The following RALY variants were observed in gnomAD, a reference collection of about 807,000 sequenced individuals.
RALY encodes RALY heterogeneous nuclear ribonucleoprotein.
Under a neutral mutation model 30.7 loss-of-function variants are expected in RALY, and 15 were observed. That is an observed-to-expected ratio of 0.49 (90% CI 0.33 to 0.75). RALY has a LOEUF of 0.75. Ranked by LOEUF, RALY falls within the 30% of genes least tolerant of loss-of-function variation. RALY has a pLI of 0.02. For missense variants in RALY, 339 were observed against 414.3 expected, an observed-to-expected ratio of 0.82 and a Z score of 1.58; for synonymous variants, 177 against 170.8, an observed-to-expected ratio of 1.04 and a Z score of -0.28.
At chr20:34,062,154 C>A (rs989679780) in intron 2 of RALY, among the ~76,000 whole-genome samples, 1 of 152,172 alleles carries the variant, frequency 6.6e-6, no homozygotes, top group Non-Finnish European at 1.5e-5. Context: ...GGACTTTATT[C>A]ATCTCTGGTT....
chr20:34,044,650 A>G (rs1002993909), intron 2 of RALY, among the ~76,000 whole-genome samples: 6 of 152,110 alleles, frequency 3.9e-5, no homozygotes, highest in Non-Finnish European at 8.8e-5. Flanking sequence ...TTAACATTTG[A>G]AGAACCATTG....
chr20:34,074,778 A>G (rs542757475), intron 5 of RALY, among the ~76,000 whole-genome samples: 2 of 152,338 alleles, frequency 1.3e-5, no homozygotes, highest in East Asian at 3.9e-4. Flanking sequence ...GACCAAGGCC[A>G]GAGCCGTTCC....
rs1300709284 is a variant in RALY, at chr20:33,993,981, A to AGCG, written c.-236_-234dup. On this transcript the variant is annotated 5_prime_UTR_variant, in exon 1 of 10. Transcript: ENST00000246194. Reference sequence around the variant, plus strand: ...AACCCAGAGAAGCTGAGGGGGCGGTAGCGGCGGCGACGGCGACGACGACGA... The same window carrying AGCG: ...AACCCAGAGAAGCTGAGGGGGCGGTAGCGGCGGCGGCGACGGCGACGACGACGA... 7 of 151,996 alleles carry AGCG rather than the reference A, an allele frequency of 4.6e-5. No individual in the cohort carries two copies. The highest frequency in any genetic ancestry group is 1.7e-4 in the African/African-American group (7 of 41,524). 9.4% of individuals were successfully genotyped at this position (151,996 alleles called of 1,614,324 possible).
At chr20:34,010,043 C>T (rs1422529735) in intron 1 of RALY, among the ~76,000 whole-genome samples, 1 of 152,160 alleles carries the variant, frequency 6.6e-6, no homozygotes, top group African/African-American at 2.4e-5. Context: ...ATAAATCTGT[C>T]TCGGCCTATC....
chr20:34,048,746 C>G (rs1216988891), intron 2 of RALY, among the ~76,000 whole-genome samples: 7 of 150,010 alleles, frequency 4.7e-5, no homozygotes, highest in African/African-American at 1.7e-4. Flanking sequence ...GTCCCAGCTA[C>G]TCGGGAAGCT....
intron 2 of RALY, among the ~76,000 whole-genome samples, chr20:34,061,230 C>T (rs2033407029): frequency 6.6e-6 from 1 of 152,132 alleles, no homozygotes; most frequent in Admixed American, 6.5e-5. Context: ...CAGGATGTAG[C>T]ATGACGTAGA....
intron 2 of RALY, among the ~76,000 whole-genome samples, chr20:34,050,311 A>G (rs962649526): frequency 1.3e-5 from 2 of 152,212 alleles, no homozygotes; most frequent in Non-Finnish European, 2.9e-5. Flanking sequence ...ATTCTTGAAT[A>G]TAACCCATGT....
intron 1 of RALY, among the ~76,000 whole-genome samples, chr20:34,028,520 C>T (rs11167223): frequency 4.8e-4 from 72 of 151,172 alleles, no homozygotes; most frequent in African/African-American, 1.3e-3. Context: ...CTGGCTAACA[C>T]GGTGAAACCC....
chr20:34,021,449 G>A (rs2031817514), intron 1 of RALY, among the ~76,000 whole-genome samples: 1 of 152,196 alleles, frequency 6.6e-6, no homozygotes, highest in South Asian at 2.1e-4. Context: ...ATCACATGGT[G>A]AGAGAGAGTG....
intron 2 of RALY, among the ~76,000 whole-genome samples, chr20:34,034,803 TC>T (rs2032416316): frequency 6.6e-6 from 1 of 151,976 alleles, no homozygotes; most frequent in Admixed American, 6.6e-5. Context: ...ATTAATACCA[TC>T]TAGGGGTGAG....
At chr20:34,078,910 A>G (rs1348717168) in intron 9 of RALY, among the ~76,000 whole-genome samples, 1 of 152,190 alleles carries the variant, frequency 6.6e-6, no homozygotes, top group Non-Finnish European at 1.5e-5. Flanking sequence ...CAATAGAGCG[A>G]GGCCAGGTCA....
intron 1 of RALY, among the ~76,000 whole-genome samples, chr20:34,031,055 CT>C (rs35489907): frequency 0.71 from 89,636 of 126,314 alleles, 32,056 homozygotes; most frequent in South Asian, 0.83. Context: ...TCCTCCCCCC[CT>C]TTTTTTGAGA....
intron 2 of RALY, among the ~76,000 whole-genome samples, chr20:34,057,679 A>C (rs948930985): frequency 9.2e-5 from 14 of 152,112 alleles, no homozygotes; most frequent in South Asian, 6.2e-4. Flanking sequence ...AAAAAAAAAA[A>C]AAAAAACAAC....
intron 2 of RALY, among the ~76,000 whole-genome samples, chr20:34,039,544 T>C (rs1190630684): frequency 6.6e-6 from 1 of 152,222 alleles, no homozygotes; most frequent in Non-Finnish European, 1.5e-5. Context: ...ACTCTAGCTT[T>C]TGCCTTTGGT....
intron 1 of RALY, among the ~76,000 whole-genome samples, chr20:33,994,611 T>G (rs2030507767): frequency 6.6e-6 from 1 of 152,184 alleles, no homozygotes; most frequent in African/African-American, 2.4e-5. Context: ...TTGTCCTGCC[T>G]CGGCTCCCGC....
chr20:34,043,820 GGTTAAGGC>G (rs778399727), intron 2 of RALY, among the ~76,000 whole-genome samples: 7 of 152,142 alleles, frequency 4.6e-5, no homozygotes, highest in Admixed American at 1.3e-4. Flanking sequence ...CCAAACACAT[GGTTAAGGC>G]TTTTGGAGCC....
intron 2 of RALY, among the ~76,000 whole-genome samples, chr20:34,038,120 A>G (rs914586678): frequency 6.6e-6 from 1 of 152,218 alleles, no homozygotes; most frequent in Non-Finnish European, 1.5e-5. Context: ...TCTGGGCTCT[A>G]TGAGGTCCCG....
At chr20:34,035,607 C>A (rs1245535167) in intron 2 of RALY, among the ~76,000 whole-genome samples, 4 of 152,134 alleles carry the variant, frequency 2.6e-5, no homozygotes, top group African/African-American at 9.7e-5. Flanking sequence ...AGTAGTCCCC[C>A]ACTCCTCCTT....
At chr20:34,049,610 A>C (rs1270069179) in intron 2 of RALY, among the ~76,000 whole-genome samples, 2 of 152,220 alleles carry the variant, frequency 1.3e-5, no homozygotes, top group Non-Finnish European at 2.9e-5. Context: ...TGGTAAACTG[A>C]TGAGAAGACA....
Sources: allele counts gnomAD v4.1 joint callset (sites outside exome capture counted in the v4.1 genomes callset), GRCh38; gene constraint gnomAD v4.1.1; transcripts MANE v1.5; gene names NCBI Gene and HGNC (gene_info 2026-07-23, HGNC 2026-07-21).